Variants in ZNF804B observed in about 807,000 individuals in gnomAD.
ZNF804B encodes the protein zinc finger 804B.
Under a neutral mutation model 101.4 loss-of-function variants are expected in ZNF804B, and 80 were observed. That is an observed-to-expected ratio of 0.79 (90% CI 0.66 to 0.95). The LOEUF is 0.95. Ranked by LOEUF, ZNF804B falls within the 40% of genes least tolerant of loss-of-function variation. The pLI is 0.00. For missense variants in ZNF804B, 1,673 were observed against 1,561.9 expected (o/e 1.07, Z -1.20); for synonymous variants, 622 against 558.8 (o/e 1.11, Z -1.59).
At chr7:89,192,788 A>G (rs1788476622) in intron 1 of ZNF804B, among the ~76,000 whole-genome samples, 1 of 152,092 alleles carries the variant, frequency 6.6e-6, no homozygotes, top group Admixed American at 6.6e-5. Context: ...GCAGCACATC[A>G]AAAAGCCTAT....
chr7:88,869,878 T>G (rs570556054), intron 1 of ZNF804B, among the ~76,000 whole-genome samples: 1 of 152,250 alleles, frequency 6.6e-6, no homozygotes, highest in African/African-American at 2.4e-5. Flanking sequence ...CTTACCTAGG[T>G]TTCCCTTGCA....
intron 1 of ZNF804B, among the ~76,000 whole-genome samples, chr7:89,040,902 G>C (rs1323498951): frequency 6.6e-6 from 1 of 152,000 alleles, no homozygotes; most frequent in African/African-American, 2.4e-5. Flanking sequence ...AAGTGGAACT[G>C]TTATCTGGGT....
intron 2 of ZNF804B, among the ~76,000 whole-genome samples, chr7:89,311,072 C>G (rs557310329): frequency 3.3e-5 from 5 of 152,118 alleles, no homozygotes; most frequent in African/African-American, 1.2e-4. Context: ...AATAAAGATT[C>G]CCTTAAGACC....
At chr7:89,233,967 A>G (rs907866648) in intron 2 of ZNF804B, among the ~76,000 whole-genome samples, 1 of 152,204 alleles carries the variant, frequency 6.6e-6, no homozygotes, top group Non-Finnish European at 1.5e-5. Context: ...CAGTGCATAG[A>G]GTAAAAGCCT....
chr7:89,305,096 C>G (rs960069505), intron 2 of ZNF804B, among the ~76,000 whole-genome samples: 3 of 151,940 alleles, frequency 2.0e-5, no homozygotes, highest in Non-Finnish European at 4.4e-5. Flanking sequence ...ATGATTCTAA[C>G]AGCATTTATG....
rs527536721 is a variant in ZNF804B at position 89,197,673 on chromosome 7, G to A, written c.109-20482G>A. ...GATCTTGATTCAATCTATGTCACTC[G>A]GTTACTCATTAGAATTTATATTTTT... On this transcript the variant is annotated intron_variant, in intron 1 of 3. Transcript: ENST00000333190. Among the ~76,000 whole-genome samples, 22 of 151,734 alleles carry A rather than the reference G, an allele frequency of 1.4e-4. No homozygotes were observed. The South Asian group carries it at 2.9e-3, about 20-fold the overall frequency.
chr7:89,057,502 C>T (rs1318776737), intron 1 of ZNF804B, among the ~76,000 whole-genome samples: 1 of 53,876 alleles, frequency 1.9e-5, no homozygotes, highest in African/African-American at 1.4e-4. Flanking sequence ...AAACCCTCTT[C>T]ATTTATTTAA....
In ZNF804B at chr7:89,181,521, C is replaced by A. The variant is rs1006640652; in HGVS notation, c.109-36634C>A. Among the ~76,000 whole-genome samples the A allele has an allele frequency of 9.9e-5, 15 of 152,254 alleles. No individual in the cohort carries two copies. The East Asian group carries it at 2.9e-3, about 29-fold the overall frequency. On this transcript the variant is annotated intron_variant, in intron 1 of 3. Coordinates refer to ENST00000333190, the MANE Select transcript of ZNF804B (RefSeq NM_181646.5). ...CCCACGGTCCCTGCAGTCTCCCTTC[C>A]CCAAGCACACAGATTATTTCTTCGT...
At chr7:89,284,249 G>A (rs987336027) in intron 2 of ZNF804B, among the ~76,000 whole-genome samples, 3 of 152,180 alleles carry the variant, frequency 2.0e-5, no homozygotes, top group South Asian at 4.1e-4. Context: ...AATGCCTTGT[G>A]ATGCTGATCA....
intron 1 of ZNF804B, among the ~76,000 whole-genome samples, chr7:88,878,965 C>A (rs889329323): frequency 6.6e-6 from 1 of 152,146 alleles, no homozygotes; most frequent in Non-Finnish European, 1.5e-5. Flanking sequence ...TCATTCTACT[C>A]ATGCTTCAGT....
intron 2 of ZNF804B, among the ~76,000 whole-genome samples, chr7:89,225,400 T>G (rs2115723862): frequency 6.6e-6 from 1 of 152,278 alleles, no homozygotes; most frequent in South Asian, 2.1e-4. Context: ...AAAAAATTAC[T>G]TTTTAAATTT....
At chr7:89,012,221 C>A (rs1374096108) in intron 1 of ZNF804B, among the ~76,000 whole-genome samples, 1 of 152,114 alleles carries the variant, frequency 6.6e-6, no homozygotes, top group Non-Finnish European at 1.5e-5. Flanking sequence ...AGCTGAAAGG[C>A]CCTGGGCCCT....
chr7:89,038,376 T>C (rs749451722), intron 1 of ZNF804B, among the ~76,000 whole-genome samples: 1 of 152,172 alleles, frequency 6.6e-6, no homozygotes, highest in African/African-American at 2.4e-5. Flanking sequence ...TGAGGTGATA[T>C]CTCATTGTGG....
intron 1 of ZNF804B, among the ~76,000 whole-genome samples, chr7:89,075,222 CAG>C (rs1335648187): frequency 2.0e-5 from 3 of 152,188 alleles, no homozygotes; most frequent in Admixed American, 6.5e-5. Flanking sequence ...ATCCCCAAGA[CAG>C]TGAAGAAAAT....
chr7:89,049,630 A>G (rs776296727), intron 1 of ZNF804B, among the ~76,000 whole-genome samples: 5 of 152,040 alleles, frequency 3.3e-5, no homozygotes, highest in Admixed American at 1.3e-4. Flanking sequence ...GTTCTTTACT[A>G]TGAAGTTTCA....
chr7:88,957,902 G>A (rs770353417), intron 1 of ZNF804B, among the ~76,000 whole-genome samples: 6 of 145,692 alleles, frequency 4.1e-5, no homozygotes, highest in Non-Finnish European at 9.2e-5. Flanking sequence ...ATATAAATAC[G>A]AGTAAATGTG....
At chr7:89,028,418 C>T (rs1482493896) in intron 1 of ZNF804B, among the ~76,000 whole-genome samples, 4 of 152,136 alleles carry the variant, frequency 2.6e-5, no homozygotes, top group East Asian at 1.9e-4. Context: ...CAGCTTCAAA[C>T]ACCAGTTGAG....
At chr7:89,096,611 T>G (rs1789976192) in intron 1 of ZNF804B, among the ~76,000 whole-genome samples, 2 of 152,162 alleles carry the variant, frequency 1.3e-5, no homozygotes, top group African/African-American at 4.8e-5. Flanking sequence ...AGTTCCTGAT[T>G]TTACGATAAT....
chr7:88,947,392 G>C (rs577633220), intron 1 of ZNF804B, among the ~76,000 whole-genome samples: 1 of 151,970 alleles, frequency 6.6e-6, no homozygotes, highest in Admixed American at 6.6e-5. Flanking sequence ...GGAAACCATG[G>C]TTCTCAGCAG....
Sources: gnomAD v4.1 joint callset for allele counts (sites outside exome capture counted in the v4.1 genomes callset) on GRCh38, gnomAD v4.1.1 for gene constraint, MANE v1.5 for transcripts, NCBI Gene and HGNC (gene_info 2026-07-23, HGNC 2026-07-21) for gene names.